The following PDGFC variants were observed in gnomAD, a reference collection of about 807,000 sequenced individuals.
PDGFC encodes the protein platelet derived growth factor C, also known as platelet-derived growth factor C.
PDGFC carries 12 observed loss-of-function variants against 35.5 expected under a neutral mutation model. That is an observed-to-expected ratio of 0.34 (90% CI 0.22 to 0.55). The LOEUF is 0.55. Among genes scored for constraint, PDGFC ranks in the 20% least tolerant of loss-of-function variants. PDGFC has a pLI of 0.91. For missense variants in PDGFC, 322 were observed against 412.4 expected, an observed-to-expected ratio of 0.78 and a Z score of 1.90; for synonymous variants, 159 against 148.8, an observed-to-expected ratio of 1.07 and a Z score of -0.50.
intron 1 of PDGFC, among the ~76,000 whole-genome samples, chr4:156,873,378 T>G (rs1340444324): frequency 1.3e-5 from 2 of 152,094 alleles, no homozygotes; most frequent in African/African-American, 4.8e-5. Context: ...AGGTATTTGG[T>G]TCCAGAATGA....
intron 1 of PDGFC, among the ~76,000 whole-genome samples, chr4:156,856,613 C>G (rs910347482): frequency 6.6e-6 from 1 of 152,094 alleles, no homozygotes; most frequent in Non-Finnish European, 1.5e-5. Context: ...GCTGTATTTA[C>G]TGAAGCCCAT....
At chr4:156,863,027 C>T (rs954653287) in intron 1 of PDGFC, among the ~76,000 whole-genome samples, 2 of 151,894 alleles carry the variant, frequency 1.3e-5, no homozygotes, top group Admixed American at 1.3e-4. Flanking sequence ...AATGATTTTC[C>T]GATTACAAAA....
intron 1 of PDGFC, among the ~76,000 whole-genome samples, chr4:156,895,031 A>G (rs541949093): frequency 3.3e-5 from 5 of 152,316 alleles, no homozygotes; most frequent in Middle Eastern, 6.8e-3. Flanking sequence ...GACAGTAGAA[A>G]TTATTTGAGT....
In PDGFC at chr4:156,762,958, T is replaced by G; in HGVS notation, c.*132A>C. ...TGATGTCTCCTCTTTCAGAATGCAC[T>G]GTAAATCCTGAAGATGAAAGGTCCT... On this transcript the variant is annotated 3_prime_UTR_variant, in exon 6 of 6. Transcript: ENST00000502773. 3.3e-6 allele frequency: 2 copies of G among 597,960 alleles called. No individual in the cohort carries two copies. The highest frequency in any genetic ancestry group is 6.2e-6 in the Non-Finnish European group (2 of 323,278). 37.0% of individuals were successfully genotyped at this position (597,960 alleles called of 1,614,324 possible). A position where few individuals can be genotyped will look rare whatever the true frequency, so the allele number is the denominator to read the frequency against.
chr4:156,766,968 A>G (rs1160331424), intron 5 of PDGFC, among the ~76,000 whole-genome samples: 1 of 152,136 alleles, frequency 6.6e-6, no homozygotes, highest in East Asian at 1.9e-4. Flanking sequence ...TAATGGAAAA[A>G]TGAAAGGAAA....
chr4:156,876,703 CTCT>C (rs1358444182), intron 1 of PDGFC: 2 of 152,144 alleles, frequency 1.3e-5, no homozygotes, highest in African/African-American at 4.8e-5. Flanking sequence ...TAACAGCAGT[CTCT>C]TCTTCATAAT....
At chr4:156,932,439 A>C (rs1299353254) in intron 1 of PDGFC, among the ~76,000 whole-genome samples, 1 of 152,130 alleles carries the variant, frequency 6.6e-6, no homozygotes, top group African/African-American at 2.4e-5. Context: ...ATAAAGACAC[A>C]TGCACACATG....
At chr4:156,776,271 T>C (rs752333198) in intron 3 of PDGFC, among the ~76,000 whole-genome samples, 24 of 152,224 alleles carry the variant, frequency 1.6e-4, no homozygotes, top group Non-Finnish European at 2.6e-4. Flanking sequence ...CACTTATGAT[T>C]GGGCTGTTAA....
intron 2 of PDGFC, among the ~76,000 whole-genome samples, chr4:156,849,048 C>A (rs1330371309): frequency 6.6e-6 from 1 of 151,864 alleles, no homozygotes; most frequent in East Asian, 1.9e-4. Context: ...CAATTTTTGA[C>A]AAGATTATGT....
At chr4:156,896,352 T>C (rs1480392999) in intron 1 of PDGFC, among the ~76,000 whole-genome samples, 1 of 152,150 alleles carries the variant, frequency 6.6e-6, no homozygotes, top group African/African-American at 2.4e-5. Context: ...TCCATTCCCA[T>C]TTATTCTTCA....
At position 156,767,761 on chromosome 4, in the gene PDGFC, T is replaced by C. The variant is rs1202118382; in HGVS notation, c.921+12A>G. 6.4e-7 allele frequency: 1 copy of C among 1,558,130 alleles called. No homozygotes were observed. The highest frequency in any genetic ancestry group is 8.9e-7 in the Non-Finnish European group (1 of 1,129,264). Reference sequence around the variant, plus strand: ...TACCCGAAGGAAACCAAAAAGAAAATTGTATACCTACCTCGTGGTATTTTT... The same window carrying C: ...TACCCGAAGGAAACCAAAAAGAAAACTGTATACCTACCTCGTGGTATTTTT... On this transcript the variant is annotated intron_variant, in intron 5 of 5. Transcript: ENST00000502773.
At chr4:156,906,043 T>C (rs1389401975) in intron 1 of PDGFC, among the ~76,000 whole-genome samples, 1 of 152,184 alleles carries the variant, frequency 6.6e-6, no homozygotes, top group Non-Finnish European at 1.5e-5. Flanking sequence ...TATACATTTA[T>C]AATCTATACA....
intron 1 of PDGFC, among the ~76,000 whole-genome samples, chr4:156,900,582 T>C (rs2110761338): frequency 6.6e-6 from 1 of 152,246 alleles, no homozygotes; most frequent in African/African-American, 2.4e-5. Context: ...GGCTCACACC[T>C]GTAATCCCAG....
chr4:156,970,997 GGGGT>G lies in PDGFC; in HGVS notation c.-98_-95del. ...ACCACCGCCAGGGGAAGGCTGCACT[GGGGT>G]GGAAGCGCCGAGCCTGCTCTGGCAG... On this transcript the variant is annotated 5_prime_UTR_variant, in exon 1 of 6. An upstream open reading frame in the 5' UTR gains an earlier in-frame stop. Transcript: ENST00000502773. 1 of 773,806 alleles carries G rather than the reference GGGGT, an allele frequency of 1.3e-6. No homozygotes were observed. Among genetic ancestry groups the G allele is most frequent in the Non-Finnish European group, 2.2e-6 (1 of 450,142 alleles). 47.9% of individuals were successfully genotyped at this position (773,806 alleles called of 1,614,324 possible). A position where few individuals can be genotyped will look rare whatever the true frequency, so the allele number is the denominator to read the frequency against.
At chr4:156,861,075 T>C (rs1288504942) in intron 1 of PDGFC, among the ~76,000 whole-genome samples, 1 of 152,102 alleles carries the variant, frequency 6.6e-6, no homozygotes, top group Non-Finnish European at 1.5e-5. Flanking sequence ...TAAAAATAAT[T>C]TGCCAGGTAA....
chr4:156,774,513 AGC>A (rs1730770834), intron 3 of PDGFC: 1 of 152,214 alleles, frequency 6.6e-6, no homozygotes, highest in South Asian at 2.1e-4. Flanking sequence ...TAGGAAAAGG[AGC>A]ACCTTTCCTC....
intron 3 of PDGFC, among the ~76,000 whole-genome samples, chr4:156,808,860 G>T (rs1304200279): frequency 6.6e-6 from 1 of 151,988 alleles, no homozygotes; most frequent in Admixed American, 6.6e-5. Context: ...GACGGCTGAA[G>T]AAATGGCAGG....
chr4:156,914,844 T>C (rs1160391014), intron 1 of PDGFC, among the ~76,000 whole-genome samples: 1 of 150,796 alleles, frequency 6.6e-6, no homozygotes, highest in Non-Finnish European at 1.5e-5. Context: ...AACCTGATAG[T>C]ATTTAGGAAC....
At chr4:156,938,867 T>G (rs952522727) in intron 1 of PDGFC, among the ~76,000 whole-genome samples, 1 of 151,704 alleles carries the variant, frequency 6.6e-6, no homozygotes, top group Non-Finnish European at 1.5e-5. Context: ...AAATACAATT[T>G]ATTTTATATT....
Sources: gnomAD v4.1 joint callset for allele counts (sites outside exome capture counted in the v4.1 genomes callset) on GRCh38, gnomAD v4.1.1 for gene constraint, MANE v1.5 for transcripts, NCBI Gene and HGNC (gene_info 2026-07-23, HGNC 2026-07-21) for gene names.